PHACTR3: variants seen among roughly 807,000 people sequenced by gnomAD.
The protein encoded by PHACTR3 is phosphatase and actin regulator 3.
PHACTR3 carries 16 observed loss-of-function variants against 66.8 expected under a neutral mutation model. The ratio of observed to expected loss-of-function variants is 0.24; its 90% CI spans 0.16 to 0.36. The LOEUF is 0.36. PHACTR3 is among the 10% of genes least tolerant of loss of function. The pLI is 1.00. For missense variants in PHACTR3, 647 were observed against 719.9 expected (o/e 0.90, Z 1.16); for synonymous variants, 323 against 292.1 (o/e 1.11, Z -1.08).
At chr20:59,657,930 TC>T (rs1257916656) in intron 1 of PHACTR3, among the ~76,000 whole-genome samples, 2 of 152,196 alleles carry the variant, frequency 1.3e-5, no homozygotes, top group Admixed American at 1.3e-4. Flanking sequence ...ATTCTGGTAC[TC>T]CCATTATACA....
At chr20:59,679,024 G>T (rs1408880231) in intron 1 of PHACTR3, among the ~76,000 whole-genome samples, 3 of 152,190 alleles carry the variant, frequency 2.0e-5, no homozygotes, top group African/African-American at 7.2e-5. Context: ...CGCCGGTCCA[G>T]CACTGCACTT....
At chr20:59,782,136 C>T (rs535189218) in intron 7 of PHACTR3, among the ~76,000 whole-genome samples, 40 of 152,176 alleles carry the variant, frequency 2.6e-4, no homozygotes, top group African/African-American at 9.4e-4. Flanking sequence ...AGGGCTGGGT[C>T]GGGAGTTGAA....
At chr20:59,605,566 C>T (rs1019356202) in intron 1 of PHACTR3, among the ~76,000 whole-genome samples, 5 of 152,230 alleles carry the variant, frequency 3.3e-5, no homozygotes, top group Non-Finnish European at 5.9e-5. Flanking sequence ...CGCTCCGCAG[C>T]TGAGGCCACC....
At chr20:59,739,887 C>T (rs1489344951) in intron 1 of PHACTR3, among the ~76,000 whole-genome samples, 1 of 151,986 alleles carries the variant, frequency 6.6e-6, no homozygotes, top group African/African-American at 2.4e-5. Flanking sequence ...TGAGAGGGGC[C>T]TCTGGAGTCA....
intron 1 of PHACTR3, among the ~76,000 whole-genome samples, chr20:59,667,583 A>G (rs2036036005): frequency 6.6e-6 from 1 of 152,220 alleles, no homozygotes; most frequent in South Asian, 2.1e-4. Context: ...ATTACAAGAC[A>G]GAAGGGATTT....
chr20:59,671,437 G>T (rs1448401176), intron 1 of PHACTR3, among the ~76,000 whole-genome samples: 4 of 152,212 alleles, frequency 2.6e-5, no homozygotes, highest in South Asian at 4.1e-4. Context: ...GCCCTCCTCT[G>T]CTTTAGTTGG....
chr20:59,811,201 C>T (rs1223623231), intron 8 of PHACTR3, among the ~76,000 whole-genome samples: 1 of 152,182 alleles, frequency 6.6e-6, no homozygotes, highest in African/African-American at 2.4e-5. Flanking sequence ...TAGCCCTGGG[C>T]CTGGGAGAAG....
At chr20:59,579,087 A>G (rs2032795654) in intron 1 of PHACTR3, among the ~76,000 whole-genome samples, 1 of 152,276 alleles carries the variant, frequency 6.6e-6, no homozygotes, top group East Asian at 1.9e-4. Context: ...TTGGCAGTGC[A>G]TGAGTACTAA....
chr20:59,649,496 G>A, intron 1 of PHACTR3, among the ~76,000 whole-genome samples: 1 of 152,200 alleles, frequency 6.6e-6, no homozygotes, highest in Admixed American at 6.5e-5. Flanking sequence ...ATACTAGGTG[G>A]ATTTTGTGGT....
At chr20:59,666,289 C>T (rs1259757430) in intron 1 of PHACTR3, among the ~76,000 whole-genome samples, 3 of 152,230 alleles carry the variant, frequency 2.0e-5, no homozygotes, top group Admixed American at 2.0e-4. Context: ...TCTATGCAAG[C>T]CACGGCCCCA....
intron 1 of PHACTR3, among the ~76,000 whole-genome samples, chr20:59,607,506 A>G (rs2146337547): frequency 1.3e-5 from 2 of 152,326 alleles, no homozygotes; most frequent in East Asian, 3.9e-4. Flanking sequence ...AAAGAGTCCA[A>G]GGTTGCGTTC....
At chr20:59,695,549 C>A (rs1001724156) in intron 1 of PHACTR3, among the ~76,000 whole-genome samples, 2 of 152,142 alleles carry the variant, frequency 1.3e-5, no homozygotes, top group Non-Finnish European at 2.9e-5. Flanking sequence ...TTATAGCAAT[C>A]CAAGAATGGA....
chr20:59,714,598 A>T (rs373222272), intron 1 of PHACTR3, among the ~76,000 whole-genome samples: 11 of 152,218 alleles, frequency 7.2e-5, no homozygotes, highest in African/African-American at 2.7e-4. Context: ...AAAATCAGTC[A>T]TGATATCTGA....
At chr20:59,773,117 G>T (rs1601321153) in intron 5 of PHACTR3, among the ~76,000 whole-genome samples, 162 bp from the exon 6 acceptor site, 1 of 152,294 alleles carries the variant, frequency 6.6e-6, no homozygotes, top group East Asian at 1.9e-4. Context: ...CTGGCCTCTA[G>T]CTTTGGGAGC....
intron 1 of PHACTR3, among the ~76,000 whole-genome samples, chr20:59,706,086 C>G (rs758910694): frequency 6.6e-6 from 1 of 152,180 alleles, no homozygotes; most frequent in Admixed American, 6.5e-5. Context: ...ATTGTGCAAA[C>G]AAGTTTCTCA....
At chr20:59,803,247 C>G (rs1367091465) in intron 7 of PHACTR3, among the ~76,000 whole-genome samples, 1 of 152,152 alleles carries the variant, frequency 6.6e-6, no homozygotes, top group Non-Finnish European at 1.5e-5. Flanking sequence ...CAAAATTCCA[C>G]CAATTTTTCT....
intron 9 of PHACTR3, among the ~76,000 whole-genome samples, chr20:59,839,482 T>C (rs753052287): frequency 2.6e-5 from 4 of 152,224 alleles, no homozygotes; most frequent in Non-Finnish European, 5.9e-5. Flanking sequence ...TACCAGTGTT[T>C]CTAGGAGTGC....
At position 59,830,585 on chromosome 20, in the gene PHACTR3, G is replaced by C. The variant is rs1318541979; in HGVS notation, c.1329-5920G>C. Among the ~76,000 whole-genome samples, 3 of 152,216 alleles carry C rather than the reference G, an allele frequency of 2.0e-5. No individual in the cohort carries two copies. The highest frequency in any genetic ancestry group is 4.8e-5 in the African/African-American group (2 of 41,448). ...GATCCAGGCCTGCAAGGAGGCGCTGGGCAGGATGGAGCCTGCAGCTCTGCT... is the reference window on the plus strand; with the variant it reads ...GATCCAGGCCTGCAAGGAGGCGCTGCGCAGGATGGAGCCTGCAGCTCTGCT... On this transcript the variant is annotated intron_variant, in intron 8 of 12. Transcript: ENST00000371015. This position sits in a 1 kb window ranked among gnomAD's most constrained non-coding sequence, Gnocchi z 5.8.
In PHACTR3 at chr20:59,840,391, G is replaced by A. The variant is rs1216977862; in HGVS notation, c.1407G>A (p.Gln469=). The A allele has an allele frequency of 6.2e-7, 1 of 1,612,422 alleles. No individual in the cohort carries two copies. Among genetic ancestry groups the A allele is most frequent in the African/African-American group, 1.3e-5 (1 of 74,786 alleles). ...ILKQRNDQTE[Q]EERREIKQRL... The stretch of plus-strand genomic sequence containing the variant: ...CAGAAAGGAATGATCAGACAGAGCA[G>A]GAAGAAAGAAGAGAAATCAAGCAAA... The change falls in exon 10 of 13, where the codon CAG becomes CAA. Residue 469 remains glutamine, a synonymous_variant. Transcript: ENST00000371015.
Sources: gnomAD v4.1 joint callset for allele counts (sites outside exome capture counted in the v4.1 genomes callset) on GRCh38, gnomAD v4.1.1 for gene constraint, Gnocchi (gnomAD v3.1) non-coding constraint, MANE v1.5 for transcripts, NCBI Gene and HGNC (gene_info 2026-07-23, HGNC 2026-07-21) for gene names.